The following NELL1 variants were observed in gnomAD, a reference collection of about 807,000 sequenced individuals.
NELL1 encodes protein kinase C-binding protein NELL1.
A neutral mutation model predicts 107.4 loss-of-function variants in NELL1; 76 were observed. The ratio of observed to expected loss-of-function variants is 0.71; its 90% confidence interval spans 0.59 to 0.86. NELL1 has a LOEUF of 0.86. Among genes scored for constraint, NELL1 ranks in the 40% least tolerant of loss-of-function variants. The probability of loss-of-function intolerance (pLI) is 0.00; values close to 1 mark genes in which losing one functional copy is unlikely to be tolerated. For synonymous variants in NELL1, 353 were observed against 341.2 expected (o/e 1.03, Z -0.38); for missense variants, 1,024 against 1,005.5 (o/e 1.02, Z -0.25).
intron 13 of NELL1, among the ~76,000 whole-genome samples, chr11:21,156,387 C>T (rs1233710584): frequency 6.6e-6 from 1 of 152,002 alleles, no homozygotes; most frequent in Non-Finnish European, 1.5e-5. Flanking sequence ...TTTGGCTGGG[C>T]AAAGGGAGGT....
At chr11:21,491,886 T>G (rs1192828804) in intron 15 of NELL1, among the ~76,000 whole-genome samples, 1 of 152,118 alleles carries the variant, frequency 6.6e-6, no homozygotes, top group East Asian at 1.9e-4. Context: ...AGCAGTGGTT[T>G]GTAGTTCTCC....
intron 5 of NELL1, among the ~76,000 whole-genome samples, chr11:20,905,194 C>T (rs534771488): frequency 8.7e-4 from 132 of 152,034 alleles, no homozygotes; most frequent in African/African-American, 3.0e-3. Flanking sequence ...CTACACATGA[C>T]TAGAAATACA....
At chr11:20,808,731 A>T (rs1467116891) in intron 3 of NELL1, among the ~76,000 whole-genome samples, 2 of 152,208 alleles carry the variant, frequency 1.3e-5, no homozygotes, top group African/African-American at 4.8e-5. Flanking sequence ...GAGCTTGACT[A>T]AATGCTCTCA....
At chr11:21,487,029 G>A (rs1854651457) in intron 15 of NELL1, among the ~76,000 whole-genome samples, 1 of 152,104 alleles carries the variant, frequency 6.6e-6, no homozygotes, top group African/African-American at 2.4e-5. Flanking sequence ...AAGAGATAAT[G>A]AAGGGGTTCC....
chr11:21,199,316 G>A (rs1248153529), intron 13 of NELL1, among the ~76,000 whole-genome samples: 1 of 152,090 alleles, frequency 6.6e-6, no homozygotes, highest in East Asian at 1.9e-4. Flanking sequence ...ACAACTTTTG[G>A]GTAGTCAACC....
chr11:21,202,605 T>A (rs889392666), intron 13 of NELL1, among the ~76,000 whole-genome samples: 3 of 152,038 alleles, frequency 2.0e-5, no homozygotes, highest in South Asian at 4.1e-4. Flanking sequence ...TTCTGAAGAG[T>A]TTTTCCTGTC....
intron 15 of NELL1, among the ~76,000 whole-genome samples, chr11:21,394,333 A>G (rs1396584386): frequency 6.6e-6 from 1 of 151,608 alleles, no homozygotes; most frequent in Non-Finnish European, 1.5e-5. Context: ...ATGTTATAGT[A>G]TCTCTCATAG....
intron 2 of NELL1, among the ~76,000 whole-genome samples, chr11:20,734,107 C>T (rs1343557089): frequency 6.6e-6 from 1 of 152,050 alleles, no homozygotes; most frequent in Non-Finnish European, 1.5e-5. Context: ...AGAAGGACAT[C>T]CTGGGTAGAT....
intron 12 of NELL1, among the ~76,000 whole-genome samples, chr11:21,055,467 T>C (rs1345953813): frequency 6.6e-6 from 1 of 152,180 alleles, no homozygotes; most frequent in Non-Finnish European, 1.5e-5. Flanking sequence ...TCAACTTCTA[T>C]ATCCCTTAAT....
At chr11:20,929,243 G>A (rs1428577269) in intron 9 of NELL1, among the ~76,000 whole-genome samples, 1 of 152,098 alleles carries the variant, frequency 6.6e-6, no homozygotes, top group African/African-American at 2.4e-5. Flanking sequence ...GTGTGCTATG[G>A]ATAATTTTCA....
At chr11:20,716,132 C>G (rs1291015790) in intron 2 of NELL1, among the ~76,000 whole-genome samples, 1 of 152,174 alleles carries the variant, frequency 6.6e-6, no homozygotes, top group Non-Finnish European at 1.5e-5. Context: ...TAGGCTGGCT[C>G]CAGTCTCATG....
At chr11:21,411,720 C>T (rs959363491) in intron 15 of NELL1, among the ~76,000 whole-genome samples, 1 of 151,814 alleles carries the variant, frequency 6.6e-6, no homozygotes, top group African/African-American at 2.4e-5. Context: ...TTTAAAAAGA[C>T]GAGATTCAAT....
At chr11:20,861,106 C>A (rs1848969955) in intron 4 of NELL1, among the ~76,000 whole-genome samples, 1 of 152,124 alleles carries the variant, frequency 6.6e-6, no homozygotes, top group South Asian at 2.1e-4. Context: ...ATGTGTTTTT[C>A]TTTAATTTTT....
chr11:21,509,829 G>A (rs74502878), intron 15 of NELL1, among the ~76,000 whole-genome samples: 24,451 of 152,010 alleles, frequency 0.16, 2,044 homozygotes, highest in Admixed American at 0.17. Context: ...TTTTTGGATT[G>A]CTTTAACATT....
At chr11:20,822,598 T>A (rs954712977) in intron 3 of NELL1, among the ~76,000 whole-genome samples, 18 of 152,136 alleles carry the variant, frequency 1.2e-4, no homozygotes, top group Admixed American at 1.2e-3. Flanking sequence ...TTGTGGAGCT[T>A]GATTTTTGGC....
At chr11:21,390,166 A>C (rs543739831) in intron 15 of NELL1, among the ~76,000 whole-genome samples, 1 of 151,810 alleles carries the variant, frequency 6.6e-6, no homozygotes, top group Admixed American at 6.6e-5. Context: ...AGTGGAACAT[A>C]TATGCTTATT....
chr11:20,985,896 A>G (rs1431523283), intron 12 of NELL1, among the ~76,000 whole-genome samples: 1 of 152,164 alleles, frequency 6.6e-6, no homozygotes, highest in African/African-American at 2.4e-5. Flanking sequence ...TCCTGGGAAG[A>G]AGGAGTCTTT....
intron 3 of NELL1, among the ~76,000 whole-genome samples, chr11:20,793,529 T>G (rs1380980738): frequency 6.6e-6 from 1 of 152,124 alleles, no homozygotes; most frequent in Non-Finnish European, 1.5e-5. Flanking sequence ...TTGGATTATC[T>G]TGTTGGTATT....
At chr11:21,446,011 C>A (rs1853416517) in intron 15 of NELL1, among the ~76,000 whole-genome samples, 1 of 151,850 alleles carries the variant, frequency 6.6e-6, no homozygotes, top group Non-Finnish European at 1.5e-5. Context: ...TTTTCTAGAT[C>A]TTGTATACTT....
Sources: gnomAD v4.1 joint callset for allele counts (sites outside exome capture counted in the v4.1 genomes callset) on GRCh38, gnomAD v4.1.1 for gene constraint, MANE v1.5 for transcripts, NCBI Gene and HGNC (gene_info 2026-07-23, HGNC 2026-07-21) for gene names.